Variants in ARMC5 observed in about 807,000 individuals in gnomAD.
ARMC5 encodes armadillo repeat-containing protein 5.
ARMC5 carries 28 observed loss-of-function variants against 60.5 expected under a neutral mutation model. That is an observed-to-expected ratio of 0.46 (90% CI 0.34 to 0.63). ARMC5 has a LOEUF of 0.63. Among genes scored for constraint, ARMC5 ranks in the 30% least tolerant of loss-of-function variants. ARMC5 has a pLI of 0.01. For synonymous variants in ARMC5, 680 were observed against 607.3 expected (o/e 1.12, Z -1.76); for missense variants, 1,189 against 1,304.9 (o/e 0.91, Z 1.37).
At chr16:31,458,810 G>A, upstream of ARMC5, 1 of 1,530,674 alleles carries the variant, frequency 6.5e-7, no homozygotes, top group Non-Finnish European at 8.7e-7. Flanking sequence ...GCCTCTTCTG[G>A]CGCGGCCGAC....
chr16:31,459,280 C>T (rs2082275686), upstream of ARMC5: 1 of 1,534,432 alleles, frequency 6.5e-7, no homozygotes, highest in African/African-American at 1.4e-5. Flanking sequence ...GTGAGAAGCT[C>T]GACGCGGACC....
intron 4 of ARMC5, 156 bp from the exon 5 acceptor site, chr16:31,465,694 G>T: frequency 6.9e-7 from 1 of 1,454,692 alleles, no homozygotes; most frequent in South Asian, 1.4e-5. Context: ...TGGACCTCAG[G>T]TTCCCAGCGT....
In ARMC5 at chr16:31,459,529, C is replaced by A; in HGVS notation, c.5C>A (p.Ala2Glu). Residue 2 changes from alanine to glutamate, a missense_variant, in exon 1 of 6, where the codon GCG (alanine) becomes GAG (glutamate). By Grantham distance (107) the Ala-to-Glu change is moderately radical. Transcript: ENST00000268314. ...GAGTCTGAGGCCCGAGCCAAGATGG[C>A]GGCTGCGAAGCCAACCCTCACGGAC... Reference protein sequence around the residue: MAAAKPTLTDSL... With the variant: MEAAKPTLTDSL... 1 of 1,602,386 alleles carries A rather than the reference C, an allele frequency of 6.2e-7. No individual in the cohort carries two copies. Among genetic ancestry groups the A allele is most frequent in the Non-Finnish European group, 8.5e-7 (1 of 1,177,420 alleles).
chr16:31,463,205 TCTCCTGC>T (rs2082320764), intron 3 of ARMC5, among the ~76,000 whole-genome samples: 1 of 151,866 alleles, frequency 6.6e-6, no homozygotes, highest in African/African-American at 2.4e-5. Context: ...TTCAAGCAGT[TCTCCTGC>T]CTCAGCCTCC....
Position 31,466,776 on chromosome 16 carries a change from G to A in ARMC5, c.2695G>A (p.Gly899Ser), listed in dbSNP as rs750786459. ...GTCAGAGCAGTGCCCGAGGAAGCGG[G>A]GTCTGGCCCTGGTGGGGCTTGTGGA... ...LGSEQCPRKR[G>S]LALVGLVEAA... Residue 899 changes from glycine (G) to serine (S), a missense_variant, in exon 6 of 6, where the codon GGT becomes AGT. Transcript: ENST00000268314. This position sits in a 1 kb window ranked among gnomAD's most constrained non-coding sequence, Gnocchi z 8.0. 1.9e-6 allele frequency: 3 copies of A among 1,580,864 alleles called. No homozygotes were observed. Among genetic ancestry groups the A allele is most frequent in the South Asian group, 2.3e-5 (2 of 85,138 alleles).
Position 31,466,353 on chromosome 16 carries a change from C to T in ARMC5, c.2272C>T (p.Leu758Phe), listed in dbSNP as rs760496506. 12 of 1,613,358 alleles carry T rather than the reference C, an allele frequency of 7.4e-6. No individual in the cohort carries two copies. In the Middle Eastern group the frequency reaches 1.6e-3, roughly 221 times the overall value. The stretch of plus-strand genomic sequence containing the variant: ...CCTGCACTTCCTGCTGGACTCAGGC[C>T]TCCAGCTCCCTGCCCAGCGAGCGGC... ...PDLHFLLDSGLQLPAQRAASA... is the reference protein window; with the variant it reads ...PDLHFLLDSGFQLPAQRAASA... Residue 758 changes from leucine to phenylalanine, a missense_variant, in exon 6 of 6, where the codon CTC (leucine) becomes TTC (phenylalanine). Leu to Phe is a conservative substitution (Grantham distance 22). Coordinates refer to ENST00000268314, the MANE Select transcript of ARMC5 (RefSeq NM_001105247.2). The surrounding 1 kb of genome is among the most constrained non-coding windows in gnomAD (Gnocchi z 8.0).
Position 31,462,609 on chromosome 16 carries a change from C to T in ARMC5, c.1062C>T (p.Leu354=). 1 of 1,613,462 alleles carries T rather than the reference C, an allele frequency of 6.2e-7. No homozygotes were observed. Reference sequence around the variant, plus strand: ...AGCCCCTGGTGCGGGCTGTGTGCCTCCTATGTCGTGAGGCCATCAACCGGG... The same window carrying T: ...AGCCCCTGGTGCGGGCTGTGTGCCTTCTATGTCGTGAGGCCATCAACCGGG... ...SQQPLVRAVC[L]LCREAINRAR... The change falls in exon 3 of 6, where the codon CTC becomes CTT. Residue 354 remains leucine (L), a synonymous_variant. Transcript: ENST00000268314. This position sits in a 1 kb window ranked among gnomAD's most constrained non-coding sequence, Gnocchi z 7.2.
Position 31,464,572 on chromosome 16 carries a change from G to T in ARMC5, c.1549G>T (p.Glu517Ter). ...CCGCAGCCCCGCCGCCGCCATCGAG[G>T]AGCCTTGGGGACGCGAAGGGCCAGC... ...PGRSPAAAIEEPWGREGPALL... is the reference protein window; with the variant it reads ...PGRSPAAAIE The change falls in exon 4 of 6, where the codon GAG becomes TAG. Residue 517 changes from glutamate (E) to a stop codon, truncating the protein, a stop_gained. Transcript: ENST00000268314. LOFTEE classifies it high-confidence loss of function. The surrounding 1 kb of genome is among the most constrained non-coding windows in gnomAD (Gnocchi z 7.6). 1.3e-6 allele frequency: 2 copies of T among 1,584,038 alleles called. No homozygotes were observed. Among genetic ancestry groups the T allele is most frequent in the Non-Finnish European group, 1.7e-6 (2 of 1,168,320 alleles).
At chr16:31,458,573 A>T, upstream of ARMC5, 1 of 1,493,546 alleles carries the variant, frequency 6.7e-7, no homozygotes, top group Non-Finnish European at 9.0e-7. Context: ...GTCAGTCCAC[A>T]TTTCCGGCAC....
At position 31,462,242 on chromosome 16, in the gene ARMC5, C is replaced by T. The variant is rs559586406; in HGVS notation, c.695C>T (p.Ala232Val). Residue 232 changes from alanine (A) to valine (V), a missense_variant, in exon 3 of 6, where the codon GCC becomes GTC. This residue lies in a region of ARMC5 where 862 missense variants were observed against 1,071.2 expected (regional missense o/e 0.80). Transcript: ENST00000268314. The surrounding 1 kb of genome is among the most constrained non-coding windows in gnomAD (Gnocchi z 7.2). Reference protein sequence around the residue: ...NLADSPQHRLALAQQGAVRPL... With the variant: ...NLADSPQHRLVLAQQGAVRPL... ...GCAGACTCACCCCAGCACCGCCTGG[C>T]CTTGGCACAGCAGGGAGCAGTGCGT... The T allele has an allele frequency of 1.1e-4, 178 of 1,610,214 alleles. 1 individual carries two copies. In the South Asian group the frequency reaches 1.3e-3, roughly 11 times the overall value.
chr16:31,459,746 A>T lies in ARMC5; in HGVS notation c.222A>T (p.Leu74=). The T allele has an allele frequency of 6.5e-7, 1 of 1,544,488 alleles. No individual in the cohort carries two copies. Among genetic ancestry groups the T allele is most frequent in the Non-Finnish European group, 8.7e-7 (1 of 1,155,554 alleles). ...GGCTCCGCCCCCTACTCGCGCTGCT[A>T]CGGCGAGCGGCTGCAGCGGGTTCCG... The part of the protein sequence containing the change: ...RGGLRPLLAL[L]RRAAAAGSAP... Residue 74 remains leucine, a synonymous_variant, in exon 1 of 6, where the codon CTA becomes CTT. Transcript: ENST00000268314.
At chr16:31,465,229 G>C in intron 4 of ARMC5, 1 of 1,549,708 alleles carries the variant, frequency 6.5e-7, no homozygotes, top group Non-Finnish European at 8.8e-7. Flanking sequence ...GCTGACCTGT[G>C]AACCCCAGCC....
chr16:31,466,501 T>C lies in ARMC5; in HGVS notation c.2420T>C (p.Leu807Ser). 6.2e-7 allele frequency: 1 copy of C among 1,610,536 alleles called. No individual in the cohort carries two copies. The highest frequency in any genetic ancestry group is 8.5e-7 in the Non-Finnish European group (1 of 1,179,718). The change falls in exon 6 of 6, where the codon TTG becomes TCG. Residue 807 changes from leucine (L) to serine (S), a missense_variant. This residue lies in a region of ARMC5 where 862 missense variants were observed against 1,071.2 expected (regional missense o/e 0.80). Transcript: ENST00000268314. This position sits in a 1 kb window ranked among gnomAD's most constrained non-coding sequence, Gnocchi z 8.0. Reference protein sequence around the residue: ...PGAAWPVLHHLHGCRGCGAAL... With the variant: ...PGAAWPVLHHSHGCRGCGAAL... ...GCAGCCTGGCCTGTCCTGCATCATTTGCATGGTTGTCGGGGGTGTGGGGCT... is the reference window on the plus strand; with the variant it reads ...GCAGCCTGGCCTGTCCTGCATCATTCGCATGGTTGTCGGGGGTGTGGGGCT...
In ARMC5 at chr16:31,459,671, G is replaced by T. The variant is rs751120534; in HGVS notation, c.147G>T (p.Thr49=). The change falls in exon 1 of 6, where the codon ACG becomes ACT. Residue 49 remains threonine (T), a synonymous_variant. Transcript: ENST00000268314. Reference sequence around the variant, plus strand: ...GCCGCGCGCTCCTAGCCCTCCGCACGCGCCACATCAAGGCAGCGGGGGGAA... The same window carrying T: ...GCCGCGCGCTCCTAGCCCTCCGCACTCGCCACATCAAGGCAGCGGGGGGAA... ...PLSRALLALR[T]RHIKAAGGIE... The T allele has an allele frequency of 3.2e-6, 5 of 1,579,560 alleles. No homozygotes were observed. The highest frequency in any genetic ancestry group is 1.1e-5 in the South Asian group (1 of 89,912).
In ARMC5 at chr16:31,459,517, G is replaced by A. The variant is rs1397545139; in HGVS notation, c.-8G>A. On this transcript the variant is annotated 5_prime_UTR_variant, in exon 1 of 6. Coordinates refer to ENST00000268314, the MANE Select transcript of ARMC5 (RefSeq NM_001105247.2). ...AGAAGCGGGGCGGAGTCTGAGGCCC[G>A]AGCCAAGATGGCGGCTGCGAAGCCA... 2.8e-5 allele frequency: 44 copies of A among 1,598,706 alleles called. No homozygotes were observed. Among genetic ancestry groups the A allele is most frequent in the Non-Finnish European group, 3.7e-5 (43 of 1,175,742 alleles).
rs2082315448 is a variant in ARMC5, at chr16:31,462,717, T to C, written c.1170T>C (p.Ile390=). The change falls in exon 3 of 6, where the codon ATT becomes ATC. Residue 390 remains isoleucine (I), a synonymous_variant. Coordinates refer to ENST00000268314, the MANE Select transcript of ARMC5 (RefSeq NM_001105247.2). The surrounding 1 kb of genome is among the most constrained non-coding windows in gnomAD (Gnocchi z 7.2). ...GTGCAAGCGCATGGCACCCTCGTATTGTGGCTGCCCTTGTGGGGTTTCTGT... is the reference window on the plus strand; with the variant it reads ...GTGCAAGCGCATGGCACCCTCGTATCGTGGCTGCCCTTGTGGGGTTTCTGT... ...DPRASAWHPR[I]VAALVGFLYD... is the part of the protein sequence containing the mutation. 1 of 1,613,844 alleles carries C rather than the reference T, an allele frequency of 6.2e-7. No homozygotes were observed. Among genetic ancestry groups the C allele is most frequent in the Non-Finnish European group, 8.5e-7 (1 of 1,180,038 alleles).
In ARMC5 at chr16:31,462,849, T is replaced by G. The variant is rs1024196408; in HGVS notation, c.1302T>G (p.Ala434=). The change falls in exon 3 of 6, where the codon GCT becomes GCG. Residue 434 remains alanine, a synonymous_variant. Transcript: ENST00000268314. This position sits in a 1 kb window ranked among gnomAD's most constrained non-coding sequence, Gnocchi z 7.2. ...AGGAGGAAGAAGAGGGAAGAGAAGCTGCTTCCTGGGACTTTCCTGAGGAGA... is the reference window on the plus strand; with the variant it reads ...AGGAGGAAGAAGAGGGAAGAGAAGCGGCTTCCTGGGACTTTCCTGAGGAGA... ...AGEEEEEGRE[A]ASWDFPEERT... is the part of the protein sequence containing the mutation. 5 of 1,613,934 alleles carry G rather than the reference T, an allele frequency of 3.1e-6. No homozygotes were observed. In the East Asian group the frequency reaches 8.9e-5, roughly 29 times the overall value.
chr16:31,465,662 G>A, intron 4 of ARMC5, 188 bp from the exon 5 acceptor site: 3 of 1,428,454 alleles, frequency 2.1e-6, no homozygotes, highest in South Asian at 1.6e-5. Flanking sequence ...CACCCTGACT[G>A]TCCCACCTTC....
chr16:31,465,502 A>G (rs2082348421), intron 4 of ARMC5: 1 of 799,470 alleles, frequency 1.3e-6, no homozygotes, highest in East Asian at 3.3e-5. Flanking sequence ...CTACAAACTA[A>G]TGATTAATGA....
Sources: allele counts gnomAD v4.1 joint callset (sites outside exome capture counted in the v4.1 genomes callset), GRCh38; gene constraint gnomAD v4.1.1; regional missense constraint gnomAD v4.1.1; non-coding constraint Gnocchi (gnomAD v3.1); transcripts MANE v1.5; gene names NCBI Gene and HGNC (gene_info 2026-07-23, HGNC 2026-07-21).